The following NCOA4 variants were observed in gnomAD, a reference collection of about 807,000 sequenced individuals.
NCOA4 encodes the protein nuclear receptor coactivator 4.
In NCOA4, 31 loss-of-function variants were observed where a neutral mutation model predicts 69.5. That is an observed-to-expected ratio of 0.45 (90% confidence interval 0.34 to 0.60). NCOA4 has a LOEUF of 0.60. Ranked by LOEUF, NCOA4 falls within the 20% of genes least tolerant of loss-of-function variation. NCOA4 has a pLI of 0.02. For synonymous variants in NCOA4, 228 were observed against 252.4 expected (o/e 0.90, Z 0.92); for missense variants, 600 against 719.2 (o/e 0.83, Z 1.90).
Position 46,010,816 on chromosome 10 carries a change from G to C in NCOA4, c.1105C>G (p.Leu369Val). Residue 369 changes from leucine to valine, a missense_variant, in exon 8 of 10, where the codon CTG (leucine) becomes GTG (valine). Physicochemically the swap from Leu to Val is conservative, Grantham distance 32. Transcript: ENST00000581486. ...TTCTTGGCCTCCAAGTGGTCATTCAGGCACTTCAGATTGCCCAGGTTTTCA... is the reference window on the plus strand; with the variant it reads ...TTCTTGGCCTCCAAGTGGTCATTCACGCACTTCAGATTGCCCAGGTTTTCA... The part of the protein sequence containing the change: ...EIENLGNLKC[L>V]NDHLEAKKPL... 6.2e-7 allele frequency: 1 copy of C among 1,613,936 alleles called. No individual in the cohort carries two copies. The highest frequency in any genetic ancestry group is 1.3e-5 in the African/African-American group (1 of 75,030).
chr10:46,006,306 GA>G lies in NCOA4; in HGVS notation c.*285del. The G allele has an allele frequency of 2.1e-6, 1 of 473,528 alleles. No homozygotes were observed. The allele number at this position is 473,528 out of a possible 1,614,324, so 29.3% of individuals were successfully genotyped here. The stretch of plus-strand genomic sequence containing the variant: ...AATCTAAGGAGCCTTGGAGGCTTGT[GA>G]AAAAGACGTCCACAAAGATGCTGCA... On this transcript the variant is annotated 3_prime_UTR_variant, in exon 10 of 10. Transcript: ENST00000581486.
chr10:46,006,213 C>A lies in NCOA4; in HGVS notation c.*379G>T, dbSNP rs117430945. Reference sequence around the variant, plus strand: ...GGCAATTAAACGTTAGGGAAGTTTACTAGCTTTAGAATACATCAATATACT... The same window carrying A: ...GGCAATTAAACGTTAGGGAAGTTTAATAGCTTTAGAATACATCAATATACT... On this transcript the variant is annotated 3_prime_UTR_variant, in exon 10 of 10. Transcript: ENST00000581486. 1.5e-5 allele frequency: 4 copies of A among 258,682 alleles called. No homozygotes were observed. Among genetic ancestry groups the A allele is most frequent in the Non-Finnish European group, 3.0e-5 (4 of 134,196 alleles). The allele number at this position is 258,682 out of a possible 1,614,324, so 16.0% of individuals were successfully genotyped here.
chr10:46,007,185 A>C (rs73314067), intron 9 of NCOA4, among the ~76,000 whole-genome samples: 1 of 152,200 alleles, frequency 6.6e-6, no homozygotes, highest in Admixed American at 6.5e-5. Flanking sequence ...ATATGGAGAA[A>C]GTTTTAGTGG....
chr10:46,024,523 T>C (rs1175317100), intron 1 of NCOA4, among the ~76,000 whole-genome samples: 3 of 152,244 alleles, frequency 2.0e-5, no homozygotes, highest in African/African-American at 7.2e-5. Context: ...TTCACAGTTA[T>C]ATTCATTTGT....
At chr10:46,015,649 A>ACC (rs1431513828) in intron 2 of NCOA4, among the ~76,000 whole-genome samples, 1 of 152,040 alleles carries the variant, frequency 6.6e-6, no homozygotes, top group Admixed American at 6.6e-5. Flanking sequence ...GGAAATACTG[A>ACC]CCCCCTCAGT....
chr10:46,028,786 G>C (rs1554925991), intron 1 of NCOA4, among the ~76,000 whole-genome samples: 2 of 152,038 alleles, frequency 1.3e-5, no homozygotes, highest in East Asian at 3.9e-4. Flanking sequence ...ACCTAGAGGA[G>C]AACTCGTGTC....
intron 1 of NCOA4, chr10:46,023,314 G>A: frequency 1.0e-6 from 1 of 985,594 alleles, no homozygotes; most frequent in Non-Finnish European, 1.2e-6. Context: ...TACGGCCCCT[G>A]GGCTGCCAGA....
intron 5 of NCOA4, 135 bp downstream of exon 5, chr10:46,014,309 G>A (rs782195295): frequency 1.7e-5 from 11 of 659,320 alleles, no homozygotes; most frequent in East Asian, 5.7e-5. Flanking sequence ...GAGCCACCAC[G>A]CCCAGCTGAG....
chr10:46,022,500 C>G (rs552387690), intron 1 of NCOA4: 35 of 459,180 alleles, frequency 7.6e-5, no homozygotes, highest in African/African-American at 6.8e-4. Context: ...GAGTCTAGCT[C>G]TGCCGCCCAG....
At chr10:46,007,329 G>A (rs1443382059) in intron 9 of NCOA4, among the ~76,000 whole-genome samples, 2 of 152,198 alleles carry the variant, frequency 1.3e-5, no homozygotes, top group Admixed American at 1.3e-4. Context: ...GAAGCTAGCA[G>A]TGGTTGGTTC....
intron 7 of NCOA4, among the ~76,000 whole-genome samples, chr10:46,011,511 G>A (rs1206132477): frequency 1.3e-5 from 2 of 151,010 alleles, no homozygotes; most frequent in Admixed American, 6.6e-5. Context: ...TCCTGACCTC[G>A]TGATCCGCCC....
chr10:46,012,070 G>GGAA (rs1839247374), intron 7 of NCOA4, among the ~76,000 whole-genome samples: 2 of 44,524 alleles, frequency 4.5e-5, no homozygotes, highest in Non-Finnish European at 8.2e-5. Context: ...CAAAAAGAAA[G>GGAA]AAAAAAAAAA....
intron 1 of NCOA4, chr10:46,027,648 T>G: frequency 1.6e-6 from 1 of 639,274 alleles, no homozygotes; most frequent in Non-Finnish European, 2.7e-6. Flanking sequence ...GAAACTGAAC[T>G]TAACCCAATG....
chr10:46,009,035 C>G, intron 9 of NCOA4: 1 of 816,930 alleles, frequency 1.2e-6, no homozygotes, highest in South Asian at 1.7e-5. Context: ...TTATATACAA[C>G]TTTTATATGC....
At position 46,012,959 on chromosome 10, in the gene NCOA4, C is replaced by T. The variant is rs200320045; in HGVS notation, c.638G>A (p.Gly213Asp). The part of the protein sequence containing the change: ...EWLLGSKPAS[G>D]YQAPYIPSTD... Reference sequence around the variant, plus strand: ...GCTGGGTATGTAAGGAGCTTGATAACCACTGGCAGGTTTGCTTCCAAGGAG... The same window carrying T: ...GCTGGGTATGTAAGGAGCTTGATAATCACTGGCAGGTTTGCTTCCAAGGAG... Residue 213 changes from glycine (G) to aspartate (D), a missense_variant, in exon 7 of 10, where the codon GGT (glycine) becomes GAT (aspartate). Transcript: ENST00000581486. 2 of 1,614,190 alleles carry T rather than the reference C, an allele frequency of 1.2e-6. No homozygotes were observed. Among genetic ancestry groups the T allele is most frequent in the East Asian group, 4.5e-5 (2 of 44,890 alleles).
rs1838746460 is a variant in NCOA4 at position 46,005,245 on chromosome 10, T to TA, written c.*1346dup. ...GAAACTACAGAGCTGCAACTCAAGA[T>TA]AACTGGAAAGGCTCCTTACATTGTT... On this transcript the variant is annotated 3_prime_UTR_variant, in exon 10 of 10. Coordinates refer to ENST00000581486, the MANE Select transcript of NCOA4 (RefSeq NM_001145263.2). 9.4e-6 allele frequency: 2 copies of TA among 213,366 alleles called. No individual in the cohort carries two copies. The highest frequency in any genetic ancestry group is 1.4e-4 in the East Asian group (2 of 14,286). The allele number at this position is 213,366 out of a possible 1,614,324, so 13.2% of individuals were successfully genotyped here.
At position 46,005,600 on chromosome 10, in the gene NCOA4, C is replaced by T. The variant is rs1838764450; in HGVS notation, c.*992G>A. On this transcript the variant is annotated 3_prime_UTR_variant, in exon 10 of 10. Transcript: ENST00000581486. ...TTTTCACAAAGCTTCAATGAACACC[C>T]CAAGGCACAAGTGTTGAAAACGGCC... The T allele has an allele frequency of 4.5e-6, 1 of 220,166 alleles. No individual in the cohort carries two copies. Among genetic ancestry groups the T allele is most frequent in the South Asian group, 1.9e-4 (1 of 5,392 alleles). 13.6% of individuals were successfully genotyped at this position (220,166 alleles called of 1,614,324 possible).
chr10:46,005,306 T>C lies in NCOA4; in HGVS notation c.*1286A>G, dbSNP rs149132530. 2.5e-3 allele frequency: 528 copies of C among 214,038 alleles called. No individual in the cohort carries two copies. The highest frequency in any genetic ancestry group is 0.01 in the African/African-American group (463 of 44,324). The allele number at this position is 214,038 out of a possible 1,614,324, so 13.3% of individuals were successfully genotyped here. On this transcript the variant is annotated 3_prime_UTR_variant, in exon 10 of 10. Coordinates refer to ENST00000581486, the MANE Select transcript of NCOA4 (RefSeq NM_001145263.2). ...ACCTTTATATAATACTCCTAAATGA[T>C]ATCTGGGGAGGGAATTAAAAAATAA...
intron 1 of NCOA4, among the ~76,000 whole-genome samples, chr10:46,027,027 A>G (rs1417799427): frequency 6.6e-6 from 1 of 152,206 alleles, no homozygotes; most frequent in African/African-American, 2.4e-5. Context: ...AAACTTTGGA[A>G]GGCCGAGGCG....
Sources: allele counts gnomAD v4.1 joint callset (sites outside exome capture counted in the v4.1 genomes callset), GRCh38; gene constraint gnomAD v4.1.1; transcripts MANE v1.5; gene names NCBI Gene and HGNC (gene_info 2026-07-23, HGNC 2026-07-21).